The following VSIG10L variants were observed in gnomAD, a reference collection of about 807,000 sequenced individuals.
VSIG10L encodes the protein V-set and immunoglobulin domain containing 10 like.
Under a neutral mutation model 67.3 loss-of-function variants are expected in VSIG10L, and 63 were observed. The ratio of observed to expected loss-of-function variants is 0.94; its 90% CI spans 0.76 to 1.15. The LOEUF is 1.15. VSIG10L is among the 50% of genes most tolerant of loss of function. The pLI, the probability that VSIG10L is intolerant of heterozygous loss-of-function variation, is 0.00. For synonymous variants in VSIG10L, 499 were observed against 524.9 expected (o/e 0.95, Z 0.67); for missense variants, 1,050 against 1,177.5 (o/e 0.89, Z 1.58).
At chr19:51,333,542 A>AG (rs1555752746) in intron 9 of VSIG10L, among the ~76,000 whole-genome samples, 15 of 151,996 alleles carry the variant, frequency 9.9e-5, no homozygotes, top group South Asian at 2.1e-4. Flanking sequence ...AAAAAAAAAA[A>AG]AGAGAGAGAG....
At chr19:51,333,016 A>G (rs1408210902) in intron 9 of VSIG10L, among the ~76,000 whole-genome samples, 1 of 151,990 alleles carries the variant, frequency 6.6e-6, no homozygotes, top group East Asian at 1.9e-4. Context: ...TGCCCGACTA[A>G]TTTTAAAATT....
chr19:51,339,877 C>T (rs1462189708), intron 4 of VSIG10L, 138 bp downstream of exon 4: 3 of 1,063,052 alleles, frequency 2.8e-6, no homozygotes, highest in African/African-American at 3.3e-5. Context: ...TCTTGGTGAC[C>T]CGCCCTCCCG....
chr19:51,339,059 C>T lies in VSIG10L; in HGVS notation c.1558G>A (p.Gly520Arg). The change falls in exon 5 of 10, where the codon GGG (glycine) becomes AGG (arginine). Residue 520 changes from glycine (G) to arginine (R), a missense_variant. This residue lies in a region of VSIG10L where 529 missense variants were observed against 584.9 expected (regional missense o/e 0.90). Coordinates refer to ENST00000335624, the MANE Select transcript of VSIG10L (RefSeq NM_001163922.3). The stretch of plus-strand genomic sequence containing the variant: ...AACTGCAGGGAGGCAGCAGGGGCCC[C>T]GCCGGGCCACGAGCAGCGGAAGCGG... ...SLRFRCSWPGGAPAASLQFQG... is the reference protein window; with the variant it reads ...SLRFRCSWPGRAPAASLQFQG... 1 of 1,337,738 alleles carries T rather than the reference C, an allele frequency of 7.5e-7. No homozygotes were observed. Among genetic ancestry groups the T allele is most frequent in the Non-Finnish European group, 9.7e-7 (1 of 1,036,154 alleles). The allele number at this position is 1,337,738 out of a possible 1,614,324, so 82.9% of individuals were successfully genotyped here. A position where few individuals can be genotyped will look rare whatever the true frequency, so the allele number is the denominator to read the frequency against.
At chr19:51,334,842 G>A (rs1985444166) in intron 7 of VSIG10L, among the ~76,000 whole-genome samples, 2 of 67,198 alleles carry the variant, frequency 3.0e-5, no homozygotes. Flanking sequence ...TCAGGAGACT[G>A]AGGCAAGATC....
chr19:51,339,938 C>T, intron 4 of VSIG10L, 77 bp downstream of exon 4: 4 of 1,247,386 alleles, frequency 3.2e-6, no homozygotes, highest in Non-Finnish European at 4.0e-6. Context: ...TGGCCCCGCC[C>T]CTTTCCTCTA....
Position 51,337,552 on chromosome 19 carries a change from T to G in VSIG10L, c.2009-18A>C. The G allele has an allele frequency of 2.7e-6, 3 of 1,130,986 alleles. No individual in the cohort carries two copies. The highest frequency in any genetic ancestry group is 3.3e-6 in the Non-Finnish European group (3 of 898,070). The allele number at this position is 1,130,986 out of a possible 1,614,324, so 70.1% of individuals were successfully genotyped here. A position where few individuals can be genotyped will look rare whatever the true frequency, so the allele number is the denominator to read the frequency against. The stretch of plus-strand genomic sequence containing the variant: ...GGAGGGTCCTAGAGGGATGTGGGGG[T>G]GGCTGGATTCTTGGGTGCCAGAGGG... On this transcript the variant is annotated intron_variant, in intron 6 of 9. Coordinates refer to ENST00000335624, the MANE Select transcript of VSIG10L (RefSeq NM_001163922.3).
At position 51,338,991 on chromosome 19, in the gene VSIG10L, A is replaced by T; in HGVS notation, c.1626T>A (p.Ser542=). 2 of 1,418,562 alleles carry T rather than the reference A, an allele frequency of 1.4e-6. No homozygotes were observed. Among genetic ancestry groups the T allele is most frequent in the Non-Finnish European group, 1.9e-6 (2 of 1,080,586 alleles). The allele number at this position is 1,418,562 out of a possible 1,614,324, so 87.9% of individuals were successfully genotyped here. A position where few individuals can be genotyped will look rare whatever the true frequency, so the allele number is the denominator to read the frequency against. ...GGGCGGGGACGGCCGCCAGCAGCAC[A>T]GAGGACACTGGCCCGGCGCGGATGC... ...PEGIRAGPVS[S]VLLAAVPAHP... Residue 542 remains serine, a synonymous_variant, in exon 5 of 10, where the codon TCT becomes TCA. Transcript: ENST00000335624.
In VSIG10L at chr19:51,341,304, G is replaced by A. The variant is rs1227072575; in HGVS notation, c.744C>T (p.Asp248=). Residue 248 remains aspartate, a synonymous_variant, in exon 2 of 10, where the codon GAC becomes GAT. Transcript: ENST00000335624. ...ATCGCAGGTGGTCTCGGTGAGCAGG[G>A]TCCAGGCTGATCAGAGGTGCCCCTG... ...LGPGAPLISL[D]PAHRDHLRFD... 2 of 1,545,618 alleles carry A rather than the reference G, an allele frequency of 1.3e-6. No individual in the cohort carries two copies. The highest frequency in any genetic ancestry group is 4.9e-5 in the East Asian group (2 of 40,914).
chr19:51,335,573 C>T (rs1416933751), intron 7 of VSIG10L, among the ~76,000 whole-genome samples: 2 of 152,152 alleles, frequency 1.3e-5, no homozygotes, highest in African/African-American at 4.8e-5. Flanking sequence ...TGAGGGAAAA[C>T]ATCGAAAGAT....
At chr19:51,339,231 T>C in intron 4 of VSIG10L, 89 bp from the exon 5 acceptor site, 3 of 1,240,034 alleles carry the variant, frequency 2.4e-6, no homozygotes, top group Non-Finnish European at 3.1e-6. Flanking sequence ...CCACCCTTCT[T>C]CACTAGCCCC....
chr19:51,341,080 C>T (rs1281879350), intron 2 of VSIG10L, 73 bp downstream of exon 2: 2 of 1,448,782 alleles, frequency 1.4e-6, no homozygotes, highest in Non-Finnish European at 1.8e-6. Context: ...CCCACAGCAC[C>T]GTGACTTGCC....
rs1568461766 is a variant in VSIG10L at position 51,334,235 on chromosome 19, G to A, written c.2375C>T (p.Ala792Val). The A allele has an allele frequency of 6.4e-7, 1 of 1,551,772 alleles. No homozygotes were observed. Among genetic ancestry groups the A allele is most frequent in the African/African-American group, 1.4e-5 (1 of 73,166 alleles). Residue 792 changes from alanine to valine, a missense_variant, in exon 8 of 10, where the codon GCC becomes GTC. Around this residue, in one of 3 missense-constraint regions of VSIG10L, gnomAD observed 529 missense variants for 584.9 expected, o/e 0.90. Coordinates refer to ENST00000335624, the MANE Select transcript of VSIG10L (RefSeq NM_001163922.3). Reference sequence around the variant, plus strand: ...GCAGATGCAAAGGAGGAGAAGTACGGCTAGCAGCGCCAGGCCCAGCAGGGA... The same window carrying A: ...GCAGATGCAAAGGAGGAGAAGTACGACTAGCAGCGCCAGGCCCAGCAGGGA... ...LGSLLGLALL[A>V]VLLLLCICCL...
chr19:51,332,342 A>G lies in VSIG10L; in HGVS notation c.*269T>C. The G allele has an allele frequency of 1.9e-6, 1 of 539,990 alleles. No individual in the cohort carries two copies. The allele number at this position is 539,990 out of a possible 1,614,324, so 33.4% of individuals were successfully genotyped here. A position where few individuals can be genotyped will look rare whatever the true frequency, so the allele number is the denominator to read the frequency against. ...CTGCCTGTCTGCTGCAGAGGCTTGG[A>G]GGTTGTGCAAACCACACAGTTAGAT... On this transcript the variant is annotated 3_prime_UTR_variant, in exon 10 of 10. Transcript: ENST00000335624.
Position 51,340,224 on chromosome 19 carries a change from C to T in VSIG10L, c.1265G>A (p.Ser422Asn). ...AAPARFVTAG[S>N]NVTLRCAAAS... ...GGCGGCGCAGCGCAAGGTCACGTTA[C>T]TGCCCGCGGTGACAAAGCGGGCAGG... The change falls in exon 4 of 10, where the codon AGT becomes AAT. Residue 422 changes from serine to asparagine, a missense_variant. Physicochemically the swap from Ser to Asn is conservative, Grantham distance 46. This residue lies in a region of VSIG10L where 511 missense variants were observed against 557.9 expected (regional missense o/e 0.92). Transcript: ENST00000335624. This position sits in a 1 kb window ranked among gnomAD's most constrained non-coding sequence, Gnocchi z 6.3. 6.6e-7 allele frequency: 1 copy of T among 1,508,846 alleles called. No individual in the cohort carries two copies. The highest frequency in any genetic ancestry group is 2.0e-5 in the Admixed American group (1 of 48,832). 93.5% of individuals were successfully genotyped at this position (1,508,846 alleles called of 1,614,324 possible).
In VSIG10L at chr19:51,337,308, C is replaced by A; in HGVS notation, c.2235G>T (p.Trp745Cys). 1 of 1,551,646 alleles carries A rather than the reference C, an allele frequency of 6.4e-7. No homozygotes were observed. Among genetic ancestry groups the A allele is most frequent in the South Asian group, 1.2e-5 (1 of 84,048 alleles). ...VPLPPRNPGT[W>C]TFRILPILGG... Reference sequence around the variant, plus strand: ...CCAGGATGGGCAGGATCCGAAAGGTCCAGGTCCCTGGGTTCCGAGGTGGAA... The same window carrying A: ...CCAGGATGGGCAGGATCCGAAAGGTACAGGTCCCTGGGTTCCGAGGTGGAA... Residue 745 changes from tryptophan to cysteine, a missense_variant, in exon 7 of 10, where the codon TGG becomes TGT. Physicochemically the swap from Trp to Cys is radical, Grantham distance 215 (BLOSUM62 -2). This residue lies in a region of VSIG10L where 529 missense variants were observed against 584.9 expected (regional missense o/e 0.90). Coordinates refer to ENST00000335624, the MANE Select transcript of VSIG10L (RefSeq NM_001163922.3).
intron 4 of VSIG10L, 131 bp downstream of exon 4, chr19:51,339,884 C>A: frequency 2.5e-5 from 24 of 958,038 alleles, no homozygotes; most frequent in Non-Finnish European, 2.6e-5. Flanking sequence ...GACCCGCCCT[C>A]CCGCTGGCCC....
Position 51,337,368 on chromosome 19 carries a change from G to A in VSIG10L, c.2175C>T (p.Ile725=), listed in dbSNP as rs201032606. 2,897 of 1,551,732 alleles carry A rather than the reference G, an allele frequency of 1.9e-3. 7 individuals carry two copies. The highest frequency in any genetic ancestry group is 2.4e-3 in the Admixed American group (121 of 51,008). Residue 725 remains isoleucine (I), a synonymous_variant, in exon 7 of 10, where the codon ATC becomes ATT. Transcript: ENST00000335624. The stretch of plus-strand genomic sequence containing the variant: ...CGGCTGACCGCTCCTGAGGCCCCAG[G>A]ATGAGCAGGGAGACCCAGTCCCTGT... ...STYRDWVSLL[I]LGPQERSAVV...
In VSIG10L at chr19:51,337,507, T is replaced by C; in HGVS notation, c.2036A>G (p.Gln679Arg). The C allele has an allele frequency of 1.3e-6, 2 of 1,546,134 alleles. No individual in the cohort carries two copies. Reference sequence around the variant, plus strand: ...CAGCACGGCTGCATCTCTGGCTCTCTGAAGCCTCCACGAGGATATGGAGGG... The same window carrying C: ...CAGCACGGCTGCATCTCTGGCTCTCCGAAGCCTCCACGAGGATATGGAGGG... ...IGPSISSWRL[Q>R]RARDAAVLTW... is the part of the protein sequence containing the mutation. The change falls in exon 7 of 10, where the codon CAG (glutamine) becomes CGG (arginine). Residue 679 changes from glutamine to arginine, a missense_variant. By Grantham distance (43) the Gln-to-Arg change is conservative. This residue lies in a region of VSIG10L where 529 missense variants were observed against 584.9 expected (regional missense o/e 0.90). Coordinates refer to ENST00000335624, the MANE Select transcript of VSIG10L (RefSeq NM_001163922.3).
chr19:51,337,932 A>G lies in VSIG10L; in HGVS notation c.2006T>C (p.Ile669Thr), dbSNP rs752614244. Residue 669 changes from isoleucine to threonine, a missense_variant and splice_region_variant, in exon 6 of 10, where the codon ATT (isoleucine) becomes ACT (threonine). By Grantham distance (89) the Ile-to-Thr change is moderately conservative. Coordinates refer to ENST00000335624, the MANE Select transcript of VSIG10L (RefSeq NM_001163922.3). The part of the protein sequence containing the change: ...LGAGGDQITL[I>T]GPSISSWRLQ... The stretch of plus-strand genomic sequence containing the variant: ...TTTTTTGAAATAACGTGGCTCACCA[A>G]TGAGGGTGATCTGGTCACCGCCAGC... 6.5e-6 allele frequency: 10 copies of G among 1,541,666 alleles called. No individual in the cohort carries two copies. The highest frequency in any genetic ancestry group is 4.1e-5 in the African/African-American group (3 of 72,698).
Sources: gnomAD v4.1 joint callset for allele counts (sites outside exome capture counted in the v4.1 genomes callset) on GRCh38, gnomAD v4.1.1 for gene constraint, gnomAD v4.1.1 regional missense constraint, Gnocchi (gnomAD v3.1) non-coding constraint, MANE v1.5 for transcripts, NCBI Gene and HGNC (gene_info 2026-07-23, HGNC 2026-07-21) for gene names.